Variants in PCDH9 observed in about 807,000 individuals in gnomAD.
PCDH9 encodes the protein protocadherin 9, also known as protocadherin-9.
A neutral mutation model predicts 70.6 loss-of-function variants in PCDH9; 24 were observed. The observed-to-expected ratio is 0.34, with a 90% CI of 0.25 to 0.48. PCDH9 has a LOEUF of 0.48. PCDH9 is among the 20% of genes least tolerant of loss of function. The probability of loss-of-function intolerance (pLI) is 0.99; values close to 1 mark genes in which losing one functional copy is unlikely to be tolerated. For missense variants in PCDH9, 1,281 were observed against 1,503.6 expected (o/e 0.85, Z 2.45); for synonymous variants, 562 against 558.5 (o/e 1.01, Z -0.09).
intron 3 of PCDH9, among the ~76,000 whole-genome samples, chr13:66,663,372 C>A (rs2078045516): frequency 6.6e-6 from 1 of 152,124 alleles, no homozygotes; most frequent in Non-Finnish European, 1.5e-5. Flanking sequence ...CAGAACCTGA[C>A]AGCCTAAGAG....
intron 4 of PCDH9, among the ~76,000 whole-genome samples, chr13:66,617,103 G>A (rs1400674492): frequency 6.6e-6 from 1 of 152,188 alleles, no homozygotes; most frequent in East Asian, 1.9e-4. Context: ...GAACTCCAAG[G>A]CTACTGACAG....
intron 4 of PCDH9, among the ~76,000 whole-genome samples, chr13:66,338,676 T>C (rs1956077166): frequency 6.6e-6 from 1 of 151,990 alleles, no homozygotes. Flanking sequence ...TGAGAAATTC[T>C]ATCTGCCTTC....
chr13:66,461,212 A>T (rs1010873902), intron 4 of PCDH9, among the ~76,000 whole-genome samples: 16 of 151,840 alleles, frequency 1.1e-4, no homozygotes, highest in Non-Finnish European at 1.5e-5. Context: ...TTAGTTATTC[A>T]TTGATGTGGA....
chr13:66,733,117 A>G (rs1184433589), intron 3 of PCDH9, among the ~76,000 whole-genome samples: 3 of 152,142 alleles, frequency 2.0e-5, no homozygotes, highest in East Asian at 1.9e-4. Flanking sequence ...ATTATCCTAT[A>G]AAGATTTCAG....
intron 4 of PCDH9, among the ~76,000 whole-genome samples, chr13:66,583,904 A>C (rs370102235): frequency 6.6e-6 from 1 of 152,128 alleles, no homozygotes; most frequent in African/African-American, 2.4e-5. Context: ...AGCTCACTAC[A>C]TGTAGGTTAT....
chr13:66,681,755 A>T (rs2078323391), intron 3 of PCDH9, among the ~76,000 whole-genome samples: 1 of 151,816 alleles, frequency 6.6e-6, no homozygotes, highest in Non-Finnish European at 1.5e-5. Flanking sequence ...CCCTTCCAAC[A>T]TCATCTCTGC....
intron 3 of PCDH9, among the ~76,000 whole-genome samples, chr13:66,812,205 A>C (rs1566210435): frequency 6.6e-6 from 1 of 152,150 alleles, no homozygotes; most frequent in African/African-American, 2.4e-5. Context: ...TAACTATGAG[A>C]GTTTTTTAAT....
chr13:66,763,752 T>G (rs1201755710), intron 3 of PCDH9, among the ~76,000 whole-genome samples: 2 of 152,060 alleles, frequency 1.3e-5, no homozygotes, highest in Non-Finnish European at 2.9e-5. Context: ...TACCTCAAGT[T>G]TTTTTAATAG....
Position 67,100,996 on chromosome 13 carries a change from C to T in PCDH9, c.3036+124409G>A, listed in dbSNP as rs537858611. ...CCTGATTTACCCTCTGAAAGGGGTC[C>T]GCACCTGCCTAACCATGACCACTAG... On this transcript the variant is annotated intron_variant, in intron 2 of 4. Coordinates refer to ENST00000377865, the MANE Select transcript of PCDH9 (RefSeq NM_203487.3). Among the ~76,000 whole-genome samples, 14 of 152,242 alleles carry T rather than the reference C, an allele frequency of 9.2e-5. No individual in the cohort carries two copies. In the South Asian group the frequency reaches 2.7e-3, roughly 29 times the overall value.
At chr13:66,801,219 G>A (rs1378839378) in intron 3 of PCDH9, among the ~76,000 whole-genome samples, 2 of 151,948 alleles carry the variant, frequency 1.3e-5, no homozygotes, top group Non-Finnish European at 2.9e-5. Context: ...TGAAGGTTAA[G>A]CAATAACATT....
chr13:66,708,086 G>A (rs1331706380), intron 3 of PCDH9, among the ~76,000 whole-genome samples: 1 of 151,312 alleles, frequency 6.6e-6, no homozygotes, highest in African/African-American at 2.4e-5. Flanking sequence ...GTCTCGCTCT[G>A]TCGCCCAGGC....
At chr13:67,075,175 T>TA in intron 2 of PCDH9, among the ~76,000 whole-genome samples, 1 of 152,264 alleles carries the variant, frequency 6.6e-6, no homozygotes, top group Admixed American at 6.5e-5. Context: ...ATAATCCATC[T>TA]ACATCTATCA....
At chr13:66,839,104 A>G (rs952433383) in intron 3 of PCDH9, among the ~76,000 whole-genome samples, 1 of 151,984 alleles carries the variant, frequency 6.6e-6, no homozygotes, top group Non-Finnish European at 1.5e-5. Context: ...AAATAATATT[A>G]TAAAATTTTC....
At chr13:66,846,858 TATCA>T (rs2139442680) in intron 3 of PCDH9, among the ~76,000 whole-genome samples, 1 of 148,846 alleles carries the variant, frequency 6.7e-6, no homozygotes, top group Admixed American at 6.9e-5. Flanking sequence ...CTGGGCATTC[TATCA>T]ATCTCTCTCC....
At chr13:66,826,308 TG>T (rs1410606146) in intron 3 of PCDH9, among the ~76,000 whole-genome samples, 3 of 152,212 alleles carry the variant, frequency 2.0e-5, no homozygotes, top group Admixed American at 2.0e-4. Context: ...CCCTAGTTTT[TG>T]GTTTTTTGGT....
At chr13:66,511,788 T>C (rs1230470552) in intron 4 of PCDH9, among the ~76,000 whole-genome samples, 2 of 152,166 alleles carry the variant, frequency 1.3e-5, no homozygotes, top group East Asian at 3.9e-4. Context: ...CCATGTGATA[T>C]ACCTGCTCTT....
At chr13:66,914,386 T>C (rs2082523507) in intron 2 of PCDH9, 1 of 151,898 alleles carries the variant, frequency 6.6e-6, no homozygotes, top group South Asian at 2.1e-4. Flanking sequence ...CTGTTTATCT[T>C]TTAATCCTCA....
chr13:66,937,740 G>A (rs972448298), intron 2 of PCDH9, among the ~76,000 whole-genome samples: 4 of 151,840 alleles, frequency 2.6e-5, no homozygotes, highest in Admixed American at 1.3e-4. Flanking sequence ...TTCAAACTGC[G>A]TTCAAGTAAG....
At chr13:67,057,096 G>T (rs2085435992) in intron 2 of PCDH9, among the ~76,000 whole-genome samples, 1 of 151,996 alleles carries the variant, frequency 6.6e-6, no homozygotes, top group African/African-American at 2.4e-5. Flanking sequence ...TTAAAGATTG[G>T]CTCATTTGAA....
Sources: allele counts gnomAD v4.1 joint callset (sites outside exome capture counted in the v4.1 genomes callset), GRCh38; gene constraint gnomAD v4.1.1; transcripts MANE v1.5; gene names NCBI Gene and HGNC (gene_info 2026-07-23, HGNC 2026-07-21).